Variants in ITCH observed in about 807,000 individuals in gnomAD.
The protein encoded by ITCH is itchy E3 ubiquitin protein ligase.
Under a neutral mutation model 126.8 loss-of-function variants are expected in ITCH, and 28 were observed. That is an observed-to-expected ratio of 0.22 (90% CI 0.16 to 0.30). The LOEUF (loss-of-function observed/expected upper bound fraction) is 0.30, where lower values mean the gene tolerates loss of function less well. Among genes scored for constraint, ITCH ranks in the 10% least tolerant of loss-of-function variants. The pLI, the probability that ITCH is intolerant of heterozygous loss-of-function variation, is 1.00. For synonymous variants in ITCH, 342 were observed against 340.0 expected (o/e 1.01, Z -0.06); for missense variants, 631 against 1,032.4 (o/e 0.61, Z 5.33).
In ITCH at chr20:34,373,713, A is replaced by G. The variant is rs564242997; in HGVS notation, c.-22+4243A>G. Among the ~76,000 whole-genome samples, 26 of 152,178 alleles carry G rather than the reference A, an allele frequency of 1.7e-4. No individual in the cohort carries two copies. In the South Asian group the frequency reaches 5.2e-3, roughly 30 times the overall value. ...CCTAATAGATCTATCCTTCTGTCCC[A>G]GAAAAGAGAAGAATTTTAATACTAT... On this transcript the variant is annotated intron_variant, in intron 2 of 24. Transcript: ENST00000374864.
At chr20:34,439,556 G>A (rs988701958) in intron 8 of ITCH, among the ~76,000 whole-genome samples, 10 of 152,230 alleles carry the variant, frequency 6.6e-5, no homozygotes, top group East Asian at 1.9e-4. Flanking sequence ...AGTTACGGGC[G>A]TAAGCCACTG....
chr20:34,417,892 A>G (rs1003381262), intron 6 of ITCH, among the ~76,000 whole-genome samples: 9 of 151,728 alleles, frequency 5.9e-5, no homozygotes, highest in Non-Finnish European at 8.8e-5. Context: ...TCTAACAAGA[A>G]ACACAGAAAA....
At chr20:34,466,988 G>T (rs1987126046) in intron 14 of ITCH, among the ~76,000 whole-genome samples, 2 of 152,020 alleles carry the variant, frequency 1.3e-5, no homozygotes, top group African/African-American at 4.8e-5. Context: ...AAAGCTAGAA[G>T]ATAAATTTTT....
intron 1 of ITCH, among the ~76,000 whole-genome samples, chr20:34,366,354 G>T (rs1270336597): frequency 6.6e-6 from 1 of 152,062 alleles, no homozygotes; most frequent in Non-Finnish European, 1.5e-5. Flanking sequence ...TCCCTGAGTA[G>T]CTGGGACAAC....
intron 6 of ITCH, among the ~76,000 whole-genome samples, chr20:34,416,373 G>A (rs778179564): frequency 2.6e-5 from 4 of 152,224 alleles, no homozygotes; most frequent in African/African-American, 7.2e-5. Context: ...ACTCCAGCCT[G>A]GGCAACAAGA....
chr20:34,447,112 G>A lies in ITCH; in HGVS notation c.1140+1651G>A, dbSNP rs146913232. Among the ~76,000 whole-genome samples the A allele has an allele frequency of 5.3e-3, 800 of 151,686 alleles. 9 individuals carry two copies. The highest frequency in any genetic ancestry group is 0.018 in the African/African-American group (755 of 41,364). On this transcript the variant is annotated intron_variant, in intron 11 of 24. Coordinates refer to ENST00000374864, the MANE Select transcript of ITCH (RefSeq NM_031483.7). ...AAGAGAGATTTAGCAGATTTCTGGA[G>A]CACCAACGGTGTGTTTTGACTACTG...
intron 10 of ITCH, among the ~76,000 whole-genome samples, chr20:34,442,594 C>G (rs1248069353): frequency 6.6e-6 from 1 of 152,066 alleles, no homozygotes; most frequent in Non-Finnish European, 1.5e-5. Flanking sequence ...CTCAAGCCAT[C>G]CTCCCGCGTT....
chr20:34,432,132 G>A (rs1337984447), intron 7 of ITCH, among the ~76,000 whole-genome samples: 2 of 151,494 alleles, frequency 1.3e-5, no homozygotes, highest in Non-Finnish European at 2.9e-5. Context: ...AATAAGCTAG[G>A]GAAAACTGGC....
At chr20:34,430,130 T>G (rs1220576832) in intron 7 of ITCH, among the ~76,000 whole-genome samples, 1 of 152,252 alleles carries the variant, frequency 6.6e-6, no homozygotes, top group Non-Finnish European at 1.5e-5. Context: ...ATGTCTATTC[T>G]TCCTTCAGTT....
chr20:34,464,944 C>T (rs377309227), intron 14 of ITCH, among the ~76,000 whole-genome samples: 140 of 152,180 alleles, frequency 9.2e-4, no homozygotes, highest in African/African-American at 3.1e-3. Context: ...CTCCTGACCT[C>T]GTGATCCACA....
chr20:34,432,014 A>C (rs1207440432), intron 7 of ITCH, among the ~76,000 whole-genome samples: 1 of 145,194 alleles, frequency 6.9e-6, no homozygotes, highest in East Asian at 2.0e-4. Context: ...ACTGCACTCC[A>C]GCCTGGGCGA....
rs545127081 is a variant in ITCH at position 34,365,361 on chromosome 20, ACTT to A, written c.-99+2017_-99+2019del. 6.8e-4 allele frequency among the ~76,000 whole-genome samples: 103 copies of A among 152,294 alleles called. 1 individual carries two copies. In the South Asian group the frequency reaches 0.017, roughly 26 times the overall value. On this transcript the variant is annotated intron_variant, in intron 1 of 24. Transcript: ENST00000374864. Reference sequence around the variant, plus strand: ...GAAATTAAAAAAATGAGTACAGACTACTTCTTCAGTGTATTCTAGAATCAAACA... The same window carrying A: ...GAAATTAAAAAAATGAGTACAGACTACTTCAGTGTATTCTAGAATCAAACA...
intron 12 of ITCH, among the ~76,000 whole-genome samples, chr20:34,456,184 GTATATATATATATATATA>G (rs1326551793): frequency 2.1e-5 from 1 of 47,260 alleles, no homozygotes; most frequent in Non-Finnish European, 3.3e-5. Context: ...GTGTGTGTGT[GTATATATATATATATATA>G]TATATATATA....
At position 34,508,992 on chromosome 20, in the gene ITCH, A is replaced by G. The variant is rs1978472931; in HGVS notation, c.*1198A>G. On this transcript the variant is annotated 3_prime_UTR_variant, in exon 25 of 25. Transcript: ENST00000374864. Reference sequence around the variant, plus strand: ...CACAGGAATATATTCTCTGTGAATTAAAAGTCTTCAAAGTTATCATTTCTC... The same window carrying G: ...CACAGGAATATATTCTCTGTGAATTGAAAGTCTTCAAAGTTATCATTTCTC... 6.6e-6 allele frequency: 1 copy of G among 152,432 alleles called. No homozygotes were observed. The allele number at this position is 152,432 out of a possible 1,614,324, so 9.4% of individuals were successfully genotyped here. A position where few individuals can be genotyped will look rare whatever the true frequency, so the allele number is the denominator to read the frequency against.
intron 3 of ITCH, among the ~76,000 whole-genome samples, chr20:34,399,284 CG>C (rs1300508142): frequency 6.6e-6 from 1 of 150,430 alleles, no homozygotes; most frequent in Non-Finnish European, 1.5e-5. Context: ...TCCAGCTACT[CG>C]GGGGGCTGAG....
chr20:34,481,025 A>T, intron 19 of ITCH, 41 bp from the exon 20 acceptor site: 1 of 1,599,368 alleles, frequency 6.3e-7, no homozygotes, highest in East Asian at 2.2e-5. Context: ...TTATGATTGA[A>T]TTGGTGGATA....
At position 34,491,304 on chromosome 20, in the gene ITCH, C is replaced by T. The variant is rs187353881; in HGVS notation, c.2320-1197C>T. On this transcript the variant is annotated intron_variant, in intron 22 of 24. Coordinates refer to ENST00000374864, the MANE Select transcript of ITCH (RefSeq NM_031483.7). The stretch of plus-strand genomic sequence containing the variant: ...ATAAGCGAAGTAAGCCAGACACAAA[C>T]GGACAAATACTGTATAATTCCACTT... 1.6e-3 allele frequency among the ~76,000 whole-genome samples: 244 copies of T among 152,174 alleles called. 1 individual carries two copies. The highest frequency in any genetic ancestry group is 2.9e-3 in the Non-Finnish European group (198 of 68,022).
intron 3 of ITCH, among the ~76,000 whole-genome samples, chr20:34,398,130 A>G (rs559955637): frequency 1.3e-5 from 2 of 151,556 alleles, no homozygotes; most frequent in South Asian, 2.1e-4. Context: ...CAGCGTGATC[A>G]TGGCTCACTG....
chr20:34,481,287 A>T, intron 20 of ITCH, 81 bp downstream of exon 20: 1 of 1,355,898 alleles, frequency 7.4e-7, no homozygotes, highest in Non-Finnish European at 1.1e-6. Context: ...AATGGAGAGT[A>T]TCTCCAAAAA....
Sources: gnomAD v4.1 joint callset for allele counts (sites outside exome capture counted in the v4.1 genomes callset) on GRCh38, gnomAD v4.1.1 for gene constraint, MANE v1.5 for transcripts, NCBI Gene and HGNC (gene_info 2026-07-23, HGNC 2026-07-21) for gene names.